ANAPC1: variants seen among roughly 807,000 people sequenced by gnomAD.
ANAPC1 encodes the protein anaphase-promoting complex subunit 1.
A neutral mutation model predicts 208.0 loss-of-function variants in ANAPC1; 36 were observed. That is an observed-to-expected ratio of 0.17 (90% CI 0.13 to 0.23). The LOEUF is 0.23. Ranked by LOEUF, ANAPC1 falls within the 10% of genes least tolerant of loss-of-function variation. The pLI, the probability that ANAPC1 is intolerant of heterozygous loss-of-function variation, is 1.00. For missense variants in ANAPC1, 942 were observed against 2,011.6 expected (o/e 0.47, Z 10.17); for synonymous variants, 378 against 695.2 (o/e 0.54, Z 7.18).
chr2:111,863,022 TA>T (rs11336673), intron 9 of ANAPC1, among the ~76,000 whole-genome samples: 87,069 of 148,972 alleles, frequency 0.58, 26,149 homozygotes, highest in South Asian at 0.69. Flanking sequence ...AAATAACAAG[TA>T]AAAAAAAAAG....
intron 46 of ANAPC1, among the ~76,000 whole-genome samples, chr2:111,774,952 T>A (rs1242681910): frequency 1.3e-5 from 2 of 151,656 alleles, no homozygotes; most frequent in African/African-American, 4.8e-5. Flanking sequence ...AATTATAATT[T>A]GAGGAGATAA....
At chr2:111,869,368 C>T (rs1480735198) in intron 6 of ANAPC1, among the ~76,000 whole-genome samples, 6 of 152,082 alleles carry the variant, frequency 3.9e-5, no homozygotes, top group Non-Finnish European at 7.4e-5. Flanking sequence ...CTCAGCCTCC[C>T]GAGTAGCTGG....
chr2:111,869,739 T>C (rs1278410732), intron 6 of ANAPC1, among the ~76,000 whole-genome samples: 1 of 152,190 alleles, frequency 6.6e-6, no homozygotes. Context: ...CCTAATTCTT[T>C]TGGGGGTACA....
At chr2:111,848,071 C>G (rs1041345071) in intron 14 of ANAPC1, among the ~76,000 whole-genome samples, 8 of 151,606 alleles carry the variant, frequency 5.3e-5, no homozygotes, top group African/African-American at 1.7e-4. Flanking sequence ...TCACTTAAGC[C>G]TAGGAATTTG....
chr2:111,828,940 C>T (rs1181253047), intron 21 of ANAPC1, among the ~76,000 whole-genome samples: 1 of 152,206 alleles, frequency 6.6e-6, no homozygotes, highest in Non-Finnish European at 1.5e-5. Context: ...TCAGGCCGGG[C>T]ACAGTGGCTC....
intron 28 of ANAPC1, among the ~76,000 whole-genome samples, chr2:111,812,412 A>G (rs1679041874): frequency 1.2e-5 from 1 of 86,182 alleles, no homozygotes; most frequent in Non-Finnish European, 2.7e-5. Context: ...GCATCCACCA[A>G]TAATCCTCAA....
chr2:111,790,824 G>C (rs142503232), intron 38 of ANAPC1, among the ~76,000 whole-genome samples: 3,290 of 152,230 alleles, frequency 0.022, 107 homozygotes, highest in African/African-American at 0.074. Flanking sequence ...ATAGTTTAAA[G>C]AATCCACAGT....
intron 26 of ANAPC1, 38 bp downstream of exon 26, chr2:111,821,201 G>C (rs747618799): frequency 3.1e-6 from 5 of 1,593,878 alleles, no homozygotes; most frequent in Non-Finnish European, 4.3e-6. Context: ...ATGTAACAAT[G>C]AAACATGACA....
intron 13 of ANAPC1, among the ~76,000 whole-genome samples, chr2:111,852,177 CTG>C (rs1558721566): frequency 6.7e-6 from 1 of 149,280 alleles, no homozygotes; most frequent in African/African-American, 2.5e-5. Flanking sequence ...GAAAAAAAAA[CTG>C]AATAAAATTT....
rs772338494 is a variant in ANAPC1, at chr2:111,843,431, C to T, written c.2021G>A (p.Arg674His). 3.9e-5 allele frequency: 63 copies of T among 1,611,800 alleles called. No homozygotes were observed. The highest frequency in any genetic ancestry group is 5.1e-5 in the Non-Finnish European group (60 of 1,179,844). ...ACTTACATTTCTAGTCCATGCTAAGCGGTCTGTGTTATAACCCATCATGTT... is the reference window on the plus strand; with the variant it reads ...ACTTACATTTCTAGTCCATGCTAAGTGGTCTGTGTTATAACCCATCATGTT... ...LMNMMGYNTD[R>H]LAWTRNFDFE... Residue 674 changes from arginine (R) to histidine (H), a missense_variant, in exon 17 of 48, where the codon CGC (arginine) becomes CAC (histidine). Coordinates refer to ENST00000341068, the MANE Select transcript of ANAPC1 (RefSeq NM_022662.4).
At position 111,821,221 on chromosome 2, in the gene ANAPC1, G is replaced by A. The variant is rs1222154925; in HGVS notation, c.3206+18C>T. Reference sequence around the variant, plus strand: ...ACAATGAAACATGACAAGAGATAGTGCACGTGTTTTCTTTCACCTGTTTTC... The same window carrying A: ...ACAATGAAACATGACAAGAGATAGTACACGTGTTTTCTTTCACCTGTTTTC... On this transcript the variant is annotated intron_variant, in intron 26 of 47. Coordinates refer to ENST00000341068, the MANE Select transcript of ANAPC1 (RefSeq NM_022662.4). The A allele has an allele frequency of 1.3e-6, 2 of 1,580,572 alleles. No individual in the cohort carries two copies. The highest frequency in any genetic ancestry group is 2.2e-5 in the East Asian group (1 of 44,762).
intron 10 of ANAPC1, among the ~76,000 whole-genome samples, chr2:111,860,695 TTTTGC>T: frequency 6.6e-6 from 1 of 152,090 alleles, no homozygotes; most frequent in African/African-American, 2.4e-5. Flanking sequence ...ATCTGACCTC[TTTTGC>T]TTTGTCTCTC....
chr2:111,841,209 T>C (rs1680742826), intron 17 of ANAPC1, among the ~76,000 whole-genome samples: 1 of 151,920 alleles, frequency 6.6e-6, no homozygotes, highest in Admixed American at 6.6e-5. Flanking sequence ...CTGAGTATCC[T>C]TCTATGCCAG....
intron 16 of ANAPC1, 119 bp downstream of exon 16, chr2:111,847,019 T>C (rs1681128260): frequency 1.3e-6 from 1 of 794,600 alleles, no homozygotes. Context: ...AAAGCTCCTC[T>C]ACAAAGCTAA....
At chr2:111,855,655 TA>T (rs1681665953) in intron 13 of ANAPC1, among the ~76,000 whole-genome samples, 1 of 152,088 alleles carries the variant, frequency 6.6e-6, no homozygotes, top group Non-Finnish European at 1.5e-5. Flanking sequence ...CAAGGAAAAC[TA>T]AATAATGCAT....
chr2:111,789,095 G>A (rs2685927), intron 38 of ANAPC1, among the ~76,000 whole-genome samples: 21 of 152,078 alleles, frequency 1.4e-4, no homozygotes, highest in Non-Finnish European at 2.1e-4. Context: ...CCGAGATCGC[G>A]CCACTGCACT....
intron 3 of ANAPC1, among the ~76,000 whole-genome samples, chr2:111,876,855 A>ACC (rs1683048758): frequency 1.1e-5 from 1 of 93,880 alleles, no homozygotes; most frequent in Non-Finnish European, 2.6e-5. Flanking sequence ...AGCCTCCAAA[A>ACC]CCTCGTCAAC....
chr2:111,837,286 CAGATCAGTGATTGCTAGA>C (rs1466591420), intron 18 of ANAPC1, among the ~76,000 whole-genome samples: 1 of 152,180 alleles, frequency 6.6e-6, no homozygotes, highest in Non-Finnish European at 1.5e-5. Flanking sequence ...TGACAGAATT[CAGATCAGTGATTGCTAGA>C]AGAAGAGAAT....
rs982155048 is a variant in ANAPC1, at chr2:111,825,643, G to T, written c.2704+134C>A. 17 of 786,842 alleles carry T rather than the reference G, an allele frequency of 2.2e-5. No homozygotes were observed. The African/African-American group carries it at 2.3e-4, about 11-fold the overall frequency. The allele number at this position is 786,842 out of a possible 1,614,324, so 48.7% of individuals were successfully genotyped here. The stretch of plus-strand genomic sequence containing the variant: ...GAAAATTAGTTGTGGACAAAAGACC[G>T]CAACAGACCAGAACAGTACTAAAAA... On this transcript the variant is annotated intron_variant, in intron 22 of 47. Coordinates refer to ENST00000341068, the MANE Select transcript of ANAPC1 (RefSeq NM_022662.4).
Sources: allele counts gnomAD v4.1 joint callset (sites outside exome capture counted in the v4.1 genomes callset), GRCh38; gene constraint gnomAD v4.1.1; transcripts MANE v1.5; gene names NCBI Gene and HGNC (gene_info 2026-07-23, HGNC 2026-07-21).